Variants in KPNA7 observed in about 807,000 individuals in gnomAD.
KPNA7 encodes karyopherin subunit alpha 7, also known as importin subunit alpha-8.
In KPNA7, 54 loss-of-function variants were observed where a neutral mutation model predicts 53.7. That is an observed-to-expected ratio of 1.01 (90% CI 0.81 to 1.26). The LOEUF (loss-of-function observed/expected upper bound fraction) is 1.26, where lower values mean the gene tolerates loss of function less well. KPNA7 is among the 50% of genes most tolerant of loss of function. The pLI, the probability that KPNA7 is intolerant of heterozygous loss-of-function variation, is 0.00. For missense variants in KPNA7, 640 were observed against 644.5 expected (o/e 0.99, Z 0.07); for synonymous variants, 276 against 259.3 (o/e 1.06, Z -0.62).
At chr7:99,160,653 C>A in the KPNA7 span, among the ~76,000 whole-genome samples, 1 of 152,060 alleles carries the variant, frequency 6.6e-6, no homozygotes, top group Admixed American at 6.6e-5. Flanking sequence ...ACATTTGATT[C>A]TCTTCTATTT....
chr7:99,219,002 C>A (rs897460235), intron 1 of KPNA7, among the ~76,000 whole-genome samples: 17 of 152,374 alleles, frequency 1.1e-4, no homozygotes, highest in East Asian at 3.9e-4. Context: ...GCCTTAAATG[C>A]CCTCAGCTGA....
rs554796491 is a variant in KPNA7, at chr7:99,173,703, C to T, written c.*5G>A. The stretch of plus-strand genomic sequence containing the variant: ...GGTTGTTGGTTTAGGAGGTAGGGAG[C>T]TTGGCTATTTTTTTGCTAAGCATTC... On this transcript the variant is annotated 3_prime_UTR_variant, in exon 11 of 11. Coordinates refer to ENST00000327442, the MANE Select transcript of KPNA7 (RefSeq NM_001145715.3). 16 of 1,543,310 alleles carry T rather than the reference C, an allele frequency of 1.0e-5. No homozygotes were observed. The East Asian group carries it at 3.9e-4, about 38-fold the overall frequency.
chr7:99,173,062 C>CAAAAAA (rs923484332), downstream of KPNA7, among the ~76,000 whole-genome samples: 537 of 55,314 alleles, frequency 9.7e-3, 2 homozygotes, highest in East Asian at 0.015. Flanking sequence ...AACTCCATCT[C>CAAAAAA]AAAAAAAAAA....
the KPNA7 span, among the ~76,000 whole-genome samples, chr7:99,167,981 T>TCC: frequency 1.4e-4 from 19 of 137,518 alleles, no homozygotes; most frequent in Admixed American, 2.4e-4. Context: ...CCCAAACCAT[T>TCC]CCCCCACCCC....
At chr7:99,183,254 A>G (rs1412506411) in intron 8 of KPNA7, among the ~76,000 whole-genome samples, 1 of 151,930 alleles carries the variant, frequency 6.6e-6, no homozygotes, top group East Asian at 1.9e-4. Context: ...TCCATCTCCA[A>G]TAATAATAAT....
At chr7:99,210,894 G>C (rs1214922449), upstream of KPNA7, among the ~76,000 whole-genome samples, 1 of 151,862 alleles carries the variant, frequency 6.6e-6, no homozygotes, top group Admixed American at 6.6e-5. Context: ...CCCCAACTTT[G>C]AATGTTCACA....
chr7:99,149,336 C>T, the KPNA7 span, among the ~76,000 whole-genome samples: 1 of 152,090 alleles, frequency 6.6e-6, no homozygotes, highest in Admixed American at 6.6e-5. Context: ...AGACTATGAC[C>T]CACGGAGGCC....
At chr7:99,195,738 C>T (rs2150751847) in intron 4 of KPNA7, among the ~76,000 whole-genome samples, 1 of 152,226 alleles carries the variant, frequency 6.6e-6, no homozygotes. Flanking sequence ...TATACATAAG[C>T]CACATAGCTG....
chr7:99,208,585 T>G (rs529676042), upstream of KPNA7, among the ~76,000 whole-genome samples: 62 of 151,314 alleles, frequency 4.1e-4, no homozygotes, highest in Non-Finnish European at 8.1e-4. Context: ...TTTTGTTTGT[T>G]TTTGTAGAGT....
the KPNA7 span, among the ~76,000 whole-genome samples, chr7:99,162,986 G>C: frequency 2.0e-5 from 3 of 152,058 alleles, no homozygotes; most frequent in Admixed American, 2.0e-4. Context: ...TTCAAGACCA[G>C]CCTGATCAAC....
downstream of KPNA7, among the ~76,000 whole-genome samples, chr7:99,168,774 A>G (rs747548572): frequency 3.5e-4 from 53 of 152,236 alleles, no homozygotes; most frequent in Admixed American, 5.9e-4. Flanking sequence ...CTGGGACCAC[A>G]GGTGCACACC....
At chr7:99,167,112 T>C in the KPNA7 span, among the ~76,000 whole-genome samples, 36 of 152,204 alleles carry the variant, frequency 2.4e-4, no homozygotes, top group Non-Finnish European at 4.7e-4. Context: ...AACCTCAGCC[T>C]CTCATACCCC....
At chr7:99,209,682 CAAAAAAAAAAAA>C (rs60377276), upstream of KPNA7, among the ~76,000 whole-genome samples, 44 of 73,534 alleles carry the variant, frequency 6.0e-4, no homozygotes, top group African/African-American at 1.8e-3. Flanking sequence ...GACTCCAACT[CAAAAAAAAAAAA>C]AAAAAAAAAA....
downstream of KPNA7, among the ~76,000 whole-genome samples, chr7:99,172,229 AT>A (rs1292498852): frequency 6.6e-6 from 1 of 152,184 alleles, no homozygotes; most frequent in East Asian, 1.9e-4. Flanking sequence ...CATGAGCATA[AT>A]GTTTAGAATT....
the KPNA7 span, among the ~76,000 whole-genome samples, chr7:99,148,965 G>A: frequency 6.9e-6 from 1 of 145,320 alleles, no homozygotes; most frequent in Non-Finnish European, 1.5e-5. Flanking sequence ...GCACCGTCTC[G>A]GCTCACAGCA....
the KPNA7 span, among the ~76,000 whole-genome samples, chr7:99,163,349 ATGAG>A: frequency 3.9e-5 from 5 of 127,334 alleles, no homozygotes; most frequent in East Asian, 4.3e-4. Context: ...CACTATAAAT[ATGAG>A]TGTGTGTATA....
At chr7:99,170,964 G>T (rs111714038), downstream of KPNA7, among the ~76,000 whole-genome samples, 24 of 152,254 alleles carry the variant, frequency 1.6e-4, no homozygotes, top group African/African-American at 4.3e-4. Context: ...GTTTTCAAAG[G>T]CCAGGTGCGG....
chr7:99,184,379 T>C (rs368467997), intron 8 of KPNA7, among the ~76,000 whole-genome samples: 1 of 152,100 alleles, frequency 6.6e-6, no homozygotes, highest in Non-Finnish European at 1.5e-5. Context: ...CCCAGGCTGG[T>C]CTCAAACGCC....
At chr7:99,168,379 G>A in the KPNA7 span, among the ~76,000 whole-genome samples, 5 of 152,106 alleles carry the variant, frequency 3.3e-5, no homozygotes, top group East Asian at 7.7e-4. Flanking sequence ...GAATAGGGGG[G>A]TTAGTATCCC....
Sources: gnomAD v4.1 joint callset for allele counts (sites outside exome capture counted in the v4.1 genomes callset) on GRCh38, gnomAD v4.1.1 for gene constraint, MANE v1.5 for transcripts, NCBI Gene and HGNC (gene_info 2026-07-23, HGNC 2026-07-21) for gene names.